The following CPB2 variants were observed in gnomAD, a reference collection of about 807,000 sequenced individuals.
CPB2 encodes the protein carboxypeptidase B-like protein.
Under a neutral mutation model 57.0 loss-of-function variants are expected in CPB2, and 54 were observed. The observed-to-expected ratio is 0.95, with a 90% CI of 0.76 to 1.19. The LOEUF is 1.19. Ranked by LOEUF, CPB2 falls within the 50% of genes most tolerant of loss-of-function variation. The pLI is 0.00. For missense variants in CPB2, 426 were observed against 512.0 expected, an observed-to-expected ratio of 0.83 and a Z score of 1.62; for synonymous variants, 189 against 178.1, an observed-to-expected ratio of 1.06 and a Z score of -0.49.
At chr13:46,091,488 A>T (rs1317900120) in intron 1 of CPB2, among the ~76,000 whole-genome samples, 2 of 152,138 alleles carry the variant, frequency 1.3e-5, no homozygotes, top group Non-Finnish European at 2.9e-5. Flanking sequence ...CTTGTTGTAG[A>T]TTTTTGGTAG....
intron 4 of CPB2, among the ~76,000 whole-genome samples, chr13:46,079,710 C>T (rs1040617900): frequency 1.6e-4 from 25 of 152,132 alleles, no homozygotes; most frequent in Non-Finnish European, 2.9e-4. Flanking sequence ...ACTCTGATGC[C>T]TTCTGAAACA....
chr13:46,055,736 C>A, intron 10 of CPB2, 26 bp downstream of exon 10: 1 of 1,410,766 alleles, frequency 7.1e-7, no homozygotes, highest in South Asian at 1.2e-5. Flanking sequence ...TCAAAGTTCT[C>A]TAAGATCATA....
intron 1 of CPB2, among the ~76,000 whole-genome samples, chr13:46,094,001 T>A (rs1412565623): frequency 6.6e-6 from 1 of 152,204 alleles, no homozygotes; most frequent in Non-Finnish European, 1.5e-5. Context: ...CCAAAAGAAC[T>A]CCTATTCTTG....
Position 46,105,003 on chromosome 13 carries a change from G to A in CPB2, c.7C>T (p.Leu3Phe). 1.2e-6 allele frequency: 2 copies of A among 1,613,882 alleles called. No homozygotes were observed. The highest frequency in any genetic ancestry group is 2.2e-5 in the East Asian group (1 of 44,872). Residue 3 changes from leucine (L) to phenylalanine (F), a missense_variant, in exon 1 of 11, where the codon CTT (leucine) becomes TTT (phenylalanine). Physicochemically the swap from Leu to Phe is conservative, Grantham distance 22. Transcript: ENST00000181383. ...GGTACAAGGACTGCAAGGCTGCAAA[G>A]CTTCATCCCAACAGCAATTTTCTGT... MK[L>F]CSLAVLVPIV...
intron 10 of CPB2, among the ~76,000 whole-genome samples, chr13:46,054,058 C>T (rs1190482506): frequency 6.6e-6 from 1 of 152,082 alleles, no homozygotes; most frequent in East Asian, 1.9e-4. Flanking sequence ...CCCAAATGGA[C>T]GTCAAAAGAA....
intron 6 of CPB2, among the ~76,000 whole-genome samples, chr13:46,069,552 T>C (rs957176750): frequency 2.6e-5 from 4 of 152,200 alleles, no homozygotes; most frequent in African/African-American, 9.6e-5. Flanking sequence ...TCTGTCTCTG[T>C]GGATTTGCCC....
At chr13:46,102,588 G>C (rs1593925723) in intron 1 of CPB2, among the ~76,000 whole-genome samples, 2 of 75,580 alleles carry the variant, frequency 2.6e-5, no homozygotes, top group South Asian at 8.1e-4. Context: ...AAGCCAGACT[G>C]TTAGTTTTTT....
intron 9 of CPB2, 152 bp from the exon 10 acceptor site, chr13:46,056,001 A>C: frequency 2.4e-6 from 1 of 422,450 alleles, no homozygotes. Flanking sequence ...AAGGTAAACA[A>C]ATTAATTTAA....
chr13:46,077,679 G>GT (rs2045044079), intron 5 of CPB2, among the ~76,000 whole-genome samples: 1 of 110,832 alleles, frequency 9.0e-6, no homozygotes, highest in African/African-American at 3.8e-5. Flanking sequence ...CAACCTAAGT[G>GT]TTCTTCAACA....
At chr13:46,094,461 A>T (rs1277779734) in intron 1 of CPB2, among the ~76,000 whole-genome samples, 1 of 152,062 alleles carries the variant, frequency 6.6e-6, no homozygotes, top group Non-Finnish European at 1.5e-5. Context: ...TGACTACCCT[A>T]GGTTATTGGC....
intron 8 of CPB2, among the ~76,000 whole-genome samples, chr13:46,064,259 C>CA (rs1273526486): frequency 7.5e-4 from 109 of 145,704 alleles, no homozygotes; most frequent in Middle Eastern, 3.5e-3. Context: ...GACTCTGTCT[C>CA]AAAAAAAAAA....
chr13:46,086,443 T>C (rs929028335), intron 2 of CPB2, among the ~76,000 whole-genome samples: 1 of 152,162 alleles, frequency 6.6e-6, no homozygotes, highest in African/African-American at 2.4e-5. Flanking sequence ...TGAGTGTTCG[T>C]TCTCAGCAGA....
intron 10 of CPB2, among the ~76,000 whole-genome samples, chr13:46,054,187 CTTAAT>C (rs1228785877): frequency 6.6e-6 from 1 of 152,096 alleles, no homozygotes; most frequent in Non-Finnish European, 1.5e-5. Flanking sequence ...ATCCAACTGT[CTTAAT>C]TTATGTTTTT....
chr13:46,095,953 C>G (rs1469710671), intron 1 of CPB2, among the ~76,000 whole-genome samples: 4 of 140,748 alleles, frequency 2.8e-5, no homozygotes, highest in Non-Finnish European at 1.5e-5. Flanking sequence ...GCAATCTTGG[C>G]TCACTACAAT....
intron 5 of CPB2, among the ~76,000 whole-genome samples, chr13:46,076,342 C>T (rs531747725): frequency 9.3e-5 from 14 of 150,752 alleles, no homozygotes; most frequent in Non-Finnish European, 1.8e-4. Context: ...TTATATACAA[C>T]AATAGCAGAC....
chr13:46,078,956 T>G, intron 4 of CPB2, 55 bp from the exon 5 acceptor site: 1 of 1,123,290 alleles, frequency 8.9e-7, no homozygotes, highest in Non-Finnish European at 1.3e-6. Context: ...AGCATTTCCC[T>G]GACCAAAGCA....
chr13:46,059,394 A>G lies in CPB2; in HGVS notation c.797-1013T>C, dbSNP rs192134887. 2.6e-5 allele frequency among the ~76,000 whole-genome samples: 4 copies of G among 152,322 alleles called. No individual in the cohort carries two copies. The East Asian group carries it at 7.7e-4, about 29-fold the overall frequency. ...TACTTGATTCTAAATCTTGACTACC[A>G]TTTATTAGCTATATGGCTTTGGGTA... On this transcript the variant is annotated intron_variant, in intron 8 of 10. Transcript: ENST00000181383.
intron 6 of CPB2, 59 bp from the exon 7 acceptor site, chr13:46,067,476 G>T: frequency 4.6e-6 from 4 of 862,378 alleles, no homozygotes; most frequent in African/African-American, 1.7e-5. Context: ...AACTTAGTGT[G>T]TTTCTTTTTC....
chr13:46,072,397 T>C (rs2044956199), intron 6 of CPB2, among the ~76,000 whole-genome samples: 1 of 152,272 alleles, frequency 6.6e-6, no homozygotes, highest in Middle Eastern at 3.4e-3. Context: ...TGATCTGAAT[T>C]AGTTTTAGGC....
Sources: gnomAD v4.1 joint callset for allele counts (sites outside exome capture counted in the v4.1 genomes callset) on GRCh38, gnomAD v4.1.1 for gene constraint, MANE v1.5 for transcripts, NCBI Gene and HGNC (gene_info 2026-07-23, HGNC 2026-07-21) for gene names.